The following SNTG1 variants were observed in gnomAD, a reference collection of about 807,000 sequenced individuals.
SNTG1 encodes the protein gamma-1-syntrophin.
SNTG1 carries 39 observed loss-of-function variants against 74.7 expected under a neutral mutation model. The ratio of observed to expected loss-of-function variants is 0.52; its 90% CI spans 0.40 to 0.68. The LOEUF (loss-of-function observed/expected upper bound fraction) is 0.68. Among genes scored for constraint, SNTG1 ranks in the 30% least tolerant of loss-of-function variants. The pLI, the probability that SNTG1 is intolerant of heterozygous loss-of-function variation, is 0.00. For missense variants in SNTG1, 685 were observed against 609.5 expected (o/e 1.12, Z -1.30); for synonymous variants, 254 against 217.1 (o/e 1.17, Z -1.49).
intron 1 of SNTG1, among the ~76,000 whole-genome samples, chr8:49,951,871 CACAAAAAAAAA>C (rs1809737918): frequency 4.9e-5 from 1 of 20,414 alleles, no homozygotes; most frequent in African/African-American, 1.7e-4. Flanking sequence ...CTGGAAAATT[CACAAAAAAAAA>C]AAAAAAAAAA....
chr8:50,290,633 C>T (rs757872402), intron 2 of SNTG1, among the ~76,000 whole-genome samples: 6 of 152,064 alleles, frequency 3.9e-5, no homozygotes, highest in Non-Finnish European at 5.9e-5. Flanking sequence ...ACTTTATTGT[C>T]CTTATTTATT....
At chr8:50,274,881 G>A (rs912699504) in intron 2 of SNTG1, among the ~76,000 whole-genome samples, 12 of 152,086 alleles carry the variant, frequency 7.9e-5, no homozygotes, top group African/African-American at 1.9e-4. Flanking sequence ...TTGAACTAGC[G>A]TCAAATATGT....
At chr8:50,716,344 A>G (rs968810527) in intron 17 of SNTG1, among the ~76,000 whole-genome samples, 1 of 152,148 alleles carries the variant, frequency 6.6e-6, no homozygotes, top group Non-Finnish European at 1.5e-5. Flanking sequence ...AATCTTCACT[A>G]TACAAGTTAT....
intron 1 of SNTG1, among the ~76,000 whole-genome samples, chr8:49,956,498 G>A (rs769204625): frequency 3.9e-5 from 6 of 152,194 alleles, no homozygotes; most frequent in Non-Finnish European, 5.9e-5. Flanking sequence ...GTCATGTACA[G>A]CCAGGCAGTT....
chr8:50,611,985 T>A (rs1011286782), intron 13 of SNTG1, among the ~76,000 whole-genome samples: 6 of 152,120 alleles, frequency 3.9e-5, no homozygotes, highest in African/African-American at 1.4e-4. Context: ...CTCGAACTCC[T>A]GGGTTCAAAC....
At chr8:50,575,532 G>A (rs2094572080) in intron 12 of SNTG1, 1 of 152,240 alleles carries the variant, frequency 6.6e-6, no homozygotes, top group African/African-American at 2.4e-5. Flanking sequence ...AAAGTAGCAA[G>A]CCCAAGGCCC....
intron 2 of SNTG1, among the ~76,000 whole-genome samples, chr8:50,182,041 T>C (rs140873674): frequency 7.9e-4 from 121 of 152,298 alleles, no homozygotes; most frequent in African/African-American, 2.7e-3. Flanking sequence ...TGTTACAGTA[T>C]ATAATGTATG....
intron 2 of SNTG1, among the ~76,000 whole-genome samples, chr8:50,287,471 G>C (rs565501029): frequency 4.7e-4 from 71 of 152,254 alleles, no homozygotes; most frequent in African/African-American, 1.7e-3. Context: ...CAGGCCAGGG[G>C]ACTGTCTGAG....
chr8:50,720,437 C>T (rs2095485028), intron 17 of SNTG1, among the ~76,000 whole-genome samples: 1 of 152,158 alleles, frequency 6.6e-6, no homozygotes, highest in South Asian at 2.1e-4. Flanking sequence ...AATTATGCTA[C>T]ATGACTATTG....
At chr8:50,229,106 G>A (rs975401801) in intron 2 of SNTG1, among the ~76,000 whole-genome samples, 28 of 151,300 alleles carry the variant, frequency 1.9e-4, no homozygotes, top group Non-Finnish European at 3.7e-4. Context: ...ATGAACTCTA[G>A]GGCAATTACT....
chr8:50,327,305 G>T (rs989242943), intron 2 of SNTG1, among the ~76,000 whole-genome samples: 1 of 152,096 alleles, frequency 6.6e-6, no homozygotes, highest in East Asian at 1.9e-4. Flanking sequence ...TTTTCTCCTT[G>T]CAGGTCTATC....
chr8:50,721,157 C>T (rs1272915350), intron 17 of SNTG1, among the ~76,000 whole-genome samples: 1 of 152,184 alleles, frequency 6.6e-6, no homozygotes, highest in African/African-American at 2.4e-5. Flanking sequence ...GAATGGTCTG[C>T]ATCCAAGGAA....
chr8:50,451,101 G>A (rs2131626430), intron 8 of SNTG1, among the ~76,000 whole-genome samples: 1 of 152,158 alleles, frequency 6.6e-6, no homozygotes, highest in Middle Eastern at 3.4e-3. Context: ...ACACAGTACA[G>A]TCATCCCTCC....
chr8:50,400,834 A>G (rs2092794354), intron 3 of SNTG1, among the ~76,000 whole-genome samples: 1 of 152,102 alleles, frequency 6.6e-6, no homozygotes, highest in South Asian at 2.1e-4. Context: ...GTTGGAGAAC[A>G]GGTACAATGT....
intron 2 of SNTG1, 78 bp from the exon 3 acceptor site, chr8:50,394,134 G>A (rs2092698027): frequency 1.1e-5 from 13 of 1,143,070 alleles, no homozygotes; most frequent in South Asian, 5.9e-5. Flanking sequence ...TCTGCTTCAC[G>A]ATTTCCTCCA....
intron 2 of SNTG1, among the ~76,000 whole-genome samples, chr8:50,245,509 C>A (rs2086357181): frequency 6.6e-6 from 1 of 151,944 alleles, no homozygotes; most frequent in Non-Finnish European, 1.5e-5. Flanking sequence ...ATGATGAAAC[C>A]CCATCTCTAC....
chr8:50,783,351 C>T (rs1231074066), intron 18 of SNTG1, among the ~76,000 whole-genome samples: 2 of 152,202 alleles, frequency 1.3e-5, no homozygotes, highest in Non-Finnish European at 2.9e-5. Context: ...GGGCTCCACC[C>T]AGTTTGAGCT....
At chr8:50,724,719 G>GT (rs2095495957) in intron 17 of SNTG1, among the ~76,000 whole-genome samples, 4 of 152,180 alleles carry the variant, frequency 2.6e-5, no homozygotes, top group Admixed American at 6.5e-5. Flanking sequence ...AGGTACATAT[G>GT]TTTTTTAATT....
intron 18 of SNTG1, among the ~76,000 whole-genome samples, chr8:50,780,052 C>T (rs1381898642): frequency 6.6e-6 from 1 of 152,182 alleles, no homozygotes; most frequent in Non-Finnish European, 1.5e-5. Context: ...AGGGATGAAG[C>T]CCACTTGATC....
Sources: allele counts gnomAD v4.1 joint callset (sites outside exome capture counted in the v4.1 genomes callset), GRCh38; gene constraint gnomAD v4.1.1; transcripts MANE v1.5; gene names NCBI Gene and HGNC (gene_info 2026-07-23, HGNC 2026-07-21).